CTNNA3: variants seen among roughly 807,000 people sequenced by gnomAD.
The protein encoded by CTNNA3 is catenin alpha-3.
A neutral mutation model predicts 95.7 loss-of-function variants in CTNNA3; 76 were observed. The observed-to-expected ratio is 0.79, with a 90% CI of 0.66 to 0.96. CTNNA3 has a LOEUF of 0.96. Ranked by LOEUF, CTNNA3 falls within the 40% of genes least tolerant of loss-of-function variation. The pLI is 0.00. For missense variants in CTNNA3, 1,191 were observed against 1,089.8 expected (o/e 1.09, Z -1.31); for synonymous variants, 431 against 374.4 (o/e 1.15, Z -1.74).
intron 7 of CTNNA3, among the ~76,000 whole-genome samples, chr10:67,155,092 A>G (rs1388072138): frequency 1.3e-5 from 2 of 152,166 alleles, no homozygotes; most frequent in Admixed American, 1.3e-4. Context: ...TTAGAGGACT[A>G]CTGTTTATGT....
At chr10:66,185,684 G>T (rs1022357907) in intron 13 of CTNNA3, among the ~76,000 whole-genome samples, 3 of 151,882 alleles carry the variant, frequency 2.0e-5, no homozygotes, top group African/African-American at 7.2e-5. Context: ...CAGCTTTACA[G>T]AAATGATCAA....
At chr10:67,135,073 A>G (rs1255907807) in intron 7 of CTNNA3, among the ~76,000 whole-genome samples, 1 of 152,134 alleles carries the variant, frequency 6.6e-6, no homozygotes, top group Non-Finnish European at 1.5e-5. Context: ...TCAAGTTGAT[A>G]TGGTTCTGGA....
In CTNNA3 at chr10:67,441,291, T is replaced by C. The variant is rs147134065; in HGVS notation, c.579+80551A>G. 2.0e-3 allele frequency among the ~76,000 whole-genome samples: 297 copies of C among 147,542 alleles called. 2 individuals are homozygous for C. The highest frequency in any genetic ancestry group is 0.018 in the Admixed American group (267 of 14,824). The stretch of plus-strand genomic sequence containing the variant: ...AAAAAAAAAAAAGAATAAAAAGCAA[T>C]GTAGCATGCCTTCAAGATCTAGAAA... On this transcript the variant is annotated intron_variant, in intron 5 of 17. Coordinates refer to ENST00000433211, the MANE Select transcript of CTNNA3 (RefSeq NM_013266.4).
chr10:67,512,967 A>G (rs1166828538), intron 5 of CTNNA3, among the ~76,000 whole-genome samples: 1 of 152,210 alleles, frequency 6.6e-6, no homozygotes, highest in Non-Finnish European at 1.5e-5. Flanking sequence ...CTGGCAACAG[A>G]GCGAGAGTCC....
chr10:66,219,127 C>T (rs763938199), intron 13 of CTNNA3, among the ~76,000 whole-genome samples: 9 of 152,068 alleles, frequency 5.9e-5, no homozygotes, highest in African/African-American at 1.7e-4. Context: ...TACAGAACTG[C>T]ACCCAAGAAA....
chr10:67,346,603 C>A, intron 5 of CTNNA3: 2 of 342,284 alleles, frequency 5.8e-6, no homozygotes, highest in Non-Finnish European at 6.1e-6. Flanking sequence ...TTAAAGGGCA[C>A]ACTGTATATG....
chr10:67,660,625 T>A (rs924622666), intron 1 of CTNNA3, among the ~76,000 whole-genome samples: 4 of 152,138 alleles, frequency 2.6e-5, no homozygotes, highest in African/African-American at 9.7e-5. Context: ...CCCAACCTCA[T>A]TCATAATAAG....
chr10:66,509,637 T>C (rs906308076), intron 11 of CTNNA3, among the ~76,000 whole-genome samples: 1 of 151,952 alleles, frequency 6.6e-6, no homozygotes, highest in Admixed American at 6.6e-5. Flanking sequence ...TTTTTTTCAA[T>C]GTATATTCTT....
intron 5 of CTNNA3, among the ~76,000 whole-genome samples, chr10:67,480,752 G>C (rs1848186876): frequency 6.6e-6 from 1 of 152,150 alleles, no homozygotes; most frequent in Non-Finnish European, 1.5e-5. Context: ...TCTCAGCTCT[G>C]AAGGCTGTTA....
rs1848664364 is a variant in CTNNA3 at position 67,492,018 on chromosome 10, A to G, written c.579+29824T>C. ...AAAATCTTGAATTGAAGAGAAATAT[A>G]TGGGGTAGAAATAAAGATATGGGAA... is the stretch of plus-strand genomic sequence containing the variant. On this transcript the variant is annotated intron_variant, in intron 5 of 17. Transcript: ENST00000433211. 2.0e-5 allele frequency among the ~76,000 whole-genome samples: 3 copies of G among 152,124 alleles called. No homozygotes were observed. In the South Asian group the frequency reaches 6.2e-4, roughly 31 times the overall value.
chr10:67,762,062 C>G (rs189171723), intron 1 of CTNNA3, among the ~76,000 whole-genome samples: 1 of 150,996 alleles, frequency 6.6e-6, no homozygotes, highest in African/African-American at 2.4e-5. Context: ...CATTAAATGA[C>G]AATGCTAAAG....
At chr10:67,700,636 C>A (rs371492638), upstream of CTNNA3, among the ~76,000 whole-genome samples, 2 of 152,132 alleles carry the variant, frequency 1.3e-5, no homozygotes, top group Non-Finnish European at 2.9e-5. Flanking sequence ...ACATCACCAT[C>A]ATCAAACACC....
intron 11 of CTNNA3, among the ~76,000 whole-genome samples, chr10:66,456,310 A>G (rs1028581930): frequency 1.3e-5 from 2 of 152,184 alleles, no homozygotes; most frequent in Non-Finnish European, 2.9e-5. Flanking sequence ...TGTTATCAAG[A>G]CAATGTGGTA....
intron 7 of CTNNA3, among the ~76,000 whole-genome samples, chr10:67,076,570 A>C (rs1458572716): frequency 6.6e-6 from 1 of 152,220 alleles, no homozygotes; most frequent in Non-Finnish European, 1.5e-5. Flanking sequence ...CTGACTTTTA[A>C]AATCTAAAAG....
intron 9 of CTNNA3, among the ~76,000 whole-genome samples, chr10:66,752,249 A>G (rs976124786): frequency 4.6e-5 from 7 of 152,170 alleles, no homozygotes; most frequent in African/African-American, 1.7e-4. Context: ...AGACACATAG[A>G]TCAATGAAAC....
At chr10:66,042,686 C>T (rs10996845) in intron 15 of CTNNA3, among the ~76,000 whole-genome samples, 38,024 of 151,130 alleles carry the variant, frequency 0.25, 4,901 homozygotes, top group South Asian at 0.32. Context: ...GATCACTTGA[C>T]GTCAGGAGTT....
intron 13 of CTNNA3, among the ~76,000 whole-genome samples, chr10:66,111,522 G>C (rs899860240): frequency 6.6e-6 from 1 of 152,194 alleles, no homozygotes; most frequent in Admixed American, 6.5e-5. Context: ...TGTCATGCAC[G>C]GCATGGCCGT....
intron 15 of CTNNA3, among the ~76,000 whole-genome samples, chr10:66,032,803 C>G (rs550149323): frequency 6.6e-6 from 1 of 152,052 alleles, no homozygotes; most frequent in South Asian, 2.1e-4. Flanking sequence ...ATTTATATAC[C>G]GTTTTATAGT....
intron 14 of CTNNA3, among the ~76,000 whole-genome samples, chr10:66,100,093 T>A (rs139788573): frequency 6.0e-4 from 92 of 152,248 alleles, no homozygotes; most frequent in African/African-American, 2.2e-3. Flanking sequence ...TAGTTTGTTT[T>A]GGAAATAGAT....
Sources: allele counts gnomAD v4.1 joint callset (sites outside exome capture counted in the v4.1 genomes callset), GRCh38; gene constraint gnomAD v4.1.1; transcripts MANE v1.5; gene names NCBI Gene and HGNC (gene_info 2026-07-23, HGNC 2026-07-21).